SYNE2: variants seen among roughly 807,000 people sequenced by gnomAD.
SYNE2 encodes the protein spectrin repeat containing nuclear envelope protein 2, also known as nesprin-2.
Under a neutral mutation model 856.3 loss-of-function variants are expected in SYNE2, and 431 were observed. The ratio of observed to expected loss-of-function variants is 0.50; its 90% CI spans 0.47 to 0.55. The LOEUF is 0.55. SYNE2 is among the 20% of genes least tolerant of loss of function. The probability of loss-of-function intolerance (pLI) is 0.00; values close to 1 mark genes in which losing one functional copy is unlikely to be tolerated. For missense variants in SYNE2, 8,129 were observed against 8,023.2 expected, an observed-to-expected ratio of 1.01 and a Z score of -0.50; for synonymous variants, 2,923 against 2,872.3, an observed-to-expected ratio of 1.02 and a Z score of -0.56.
chr14:64,131,239 C>G (rs2098017285), intron 76 of SYNE2, among the ~76,000 whole-genome samples: 1 of 152,074 alleles, frequency 6.6e-6, no homozygotes, highest in Non-Finnish European at 1.5e-5. Context: ...ATAAACGTCT[C>G]TATGTATATG....
chr14:63,786,872 T>C (rs1262248454), intron 1 of SYNE2, among the ~76,000 whole-genome samples: 3 of 152,074 alleles, frequency 2.0e-5, no homozygotes, highest in Admixed American at 1.3e-4. Context: ...CAAGTGATCC[T>C]CCCACCTCAG....
chr14:63,824,481 A>G (rs1442946297), intron 1 of SYNE2, among the ~76,000 whole-genome samples: 1 of 151,938 alleles, frequency 6.6e-6, no homozygotes, highest in Admixed American at 6.6e-5. Flanking sequence ...TCTATTAAAA[A>G]CACAAAAATC....
intron 1 of SYNE2, among the ~76,000 whole-genome samples, chr14:63,835,697 T>A (rs985450594): frequency 9.9e-5 from 15 of 152,060 alleles, no homozygotes; most frequent in Non-Finnish European, 2.2e-4. Context: ...TTTGAAAATA[T>A]CCAAGGCCGG....
intron 57 of SYNE2, chr14:64,085,017 C>T: frequency 1.4e-6 from 1 of 702,334 alleles, no homozygotes; most frequent in Non-Finnish European, 2.6e-6. Flanking sequence ...GCTGGCTTCC[C>T]TCAGCATAAA....
intron 17 of SYNE2, among the ~76,000 whole-genome samples, chr14:63,983,073 A>C (rs1016865023): frequency 2.0e-5 from 3 of 152,174 alleles, no homozygotes; most frequent in African/African-American, 7.2e-5. Context: ...GAAATCATAT[A>C]ATATGTGATG....
At chr14:64,158,897 A>G in intron 86 of SYNE2, 102 bp downstream of exon 86, 1 of 1,257,674 alleles carries the variant, frequency 8.0e-7, no homozygotes, top group Admixed American at 1.8e-5. Flanking sequence ...TCCCACAGAG[A>G]AGCACAAAGC....
intron 1 of SYNE2, among the ~76,000 whole-genome samples, chr14:63,856,423 G>A (rs1355431286): frequency 6.6e-6 from 1 of 152,206 alleles, no homozygotes; most frequent in Non-Finnish European, 1.5e-5. Context: ...TCCTGGTGAA[G>A]CTGTTAGTCT....
intron 51 of SYNE2, 143 bp downstream of exon 51, chr14:64,065,793 T>G: frequency 1.1e-6 from 1 of 933,880 alleles, no homozygotes; most frequent in Admixed American, 2.1e-5. Context: ...CATAAATGTT[T>G]ATAGATGTCA....
At chr14:64,109,364 T>C (rs2097790871) in intron 65 of SYNE2, among the ~76,000 whole-genome samples, 1 of 151,954 alleles carries the variant, frequency 6.6e-6, no homozygotes. Context: ...ACATATACTA[T>C]CTCTTTTAAT....
intron 1 of SYNE2, among the ~76,000 whole-genome samples, chr14:63,814,426 C>G (rs1312539353): frequency 7.0e-6 from 1 of 143,634 alleles, no homozygotes; most frequent in South Asian, 2.2e-4. Context: ...TAATATATAT[C>G]CTTATATATA....
At chr14:63,984,205 C>G (rs1034694901) in intron 18 of SYNE2, among the ~76,000 whole-genome samples, 14 of 152,168 alleles carry the variant, frequency 9.2e-5, no homozygotes, top group Admixed American at 2.6e-4. Context: ...GATCGTGCCA[C>G]TGCACTCCAG....
chr14:63,781,865 A>G (rs573482850), intron 1 of SYNE2, among the ~76,000 whole-genome samples: 44 of 152,228 alleles, frequency 2.9e-4, no homozygotes, highest in South Asian at 1.9e-3. Flanking sequence ...TTAAAAGGTC[A>G]GGAGCAGTGA....
intron 1 of SYNE2, among the ~76,000 whole-genome samples, chr14:63,776,591 T>A (rs1014007003): frequency 6.6e-6 from 1 of 150,976 alleles, no homozygotes; most frequent in Non-Finnish European, 1.5e-5. Context: ...TTTCTTTTTT[T>A]CTTTCTTTCT....
intron 45 of SYNE2, among the ~76,000 whole-genome samples, chr14:64,037,635 T>G (rs915764545): frequency 1.3e-5 from 2 of 151,052 alleles, no homozygotes; most frequent in Non-Finnish European, 3.0e-5. Flanking sequence ...CCGTTCTCAA[T>G]GAGCTGTTGG....
chr14:64,017,048 G>C (rs2096897153), intron 33 of SYNE2, among the ~76,000 whole-genome samples: 1 of 152,034 alleles, frequency 6.6e-6, no homozygotes, highest in Non-Finnish European at 1.5e-5. Flanking sequence ...AAGAAGACTA[G>C]ACCCAGCATG....
intron 8 of SYNE2, among the ~76,000 whole-genome samples, chr14:63,957,492 C>T (rs1472654710): frequency 6.6e-6 from 1 of 151,540 alleles, no homozygotes; most frequent in Non-Finnish European, 1.5e-5. Flanking sequence ...TGGTCTTGAA[C>T]TCCTGGCCTC....
At chr14:64,140,283 T>C (rs895000965) in intron 80 of SYNE2, among the ~76,000 whole-genome samples, 1 of 152,174 alleles carries the variant, frequency 6.6e-6, no homozygotes, top group Non-Finnish European at 1.5e-5. Context: ...CCATAAAATA[T>C]ATCTGAATTT....
At chr14:64,035,690 T>C (rs2097082527) in intron 45 of SYNE2, among the ~76,000 whole-genome samples, 1 of 151,980 alleles carries the variant, frequency 6.6e-6, no homozygotes, top group African/African-American at 2.4e-5. Flanking sequence ...GCATCCTTTA[T>C]TTATTTTTTA....
At chr14:64,161,440 C>T (rs889702582) in intron 87 of SYNE2, among the ~76,000 whole-genome samples, 1 of 151,422 alleles carries the variant, frequency 6.6e-6, no homozygotes, top group African/African-American at 2.4e-5. Context: ...ATGTAAGGAA[C>T]ATTTGTGTAA....
Sources: gnomAD v4.1 joint callset for allele counts (sites outside exome capture counted in the v4.1 genomes callset) on GRCh38, gnomAD v4.1.1 for gene constraint, MANE v1.5 for transcripts, NCBI Gene and HGNC (gene_info 2026-07-23, HGNC 2026-07-21) for gene names.